The following LNX1 variants were observed in gnomAD, a reference collection of about 807,000 sequenced individuals.
LNX1 encodes the protein E3 ubiquitin-protein ligase LNX.
In LNX1, 54 loss-of-function variants were observed where a neutral mutation model predicts 68.4. The ratio of observed to expected loss-of-function variants is 0.79; its 90% CI spans 0.63 to 0.99. LNX1 has a LOEUF of 0.99. LNX1 is among the 50% of genes least tolerant of loss of function. LNX1 has a pLI of 0.00. For missense variants in LNX1, 906 were observed against 926.4 expected (o/e 0.98, Z 0.29); for synonymous variants, 336 against 350.0 (o/e 0.96, Z 0.45).
intron 4 of LNX1, among the ~76,000 whole-genome samples, chr4:53,506,924 G>A (rs1166486977): frequency 6.7e-6 from 1 of 148,784 alleles, no homozygotes; most frequent in Admixed American, 6.8e-5. Flanking sequence ...GCTTAAATGA[G>A]GAAATGCATG....
intron 2 of LNX1, among the ~76,000 whole-genome samples, chr4:53,597,987 A>T (rs1171413499): frequency 9.2e-5 from 14 of 152,186 alleles, no homozygotes; most frequent in Admixed American, 8.5e-4. Context: ...TGGCAAAAAA[A>T]TCCCATGAAC....
intron 1 of LNX1, among the ~76,000 whole-genome samples, chr4:53,589,287 G>C (rs1265936502): frequency 2.0e-5 from 3 of 152,228 alleles, no homozygotes; most frequent in Non-Finnish European, 4.4e-5. Flanking sequence ...TGTGAGGCTA[G>C]CGGAGACAAA....
At chr4:53,587,966 C>A (rs1577764506) in intron 1 of LNX1, among the ~76,000 whole-genome samples, 1 of 152,172 alleles carries the variant, frequency 6.6e-6, no homozygotes, top group South Asian at 2.1e-4. Context: ...TTTGGGAAAT[C>A]TTTTTTTGCT....
chr4:53,527,626 C>T (rs1727715643), intron 2 of LNX1, among the ~76,000 whole-genome samples: 1 of 152,204 alleles, frequency 6.6e-6, no homozygotes, highest in South Asian at 2.1e-4. Context: ...CAGTGTCTCT[C>T]TTTACATTCT....
intron 1 of LNX1, among the ~76,000 whole-genome samples, chr4:53,631,598 C>G (rs899000119): frequency 1.3e-4 from 20 of 152,206 alleles, no homozygotes; most frequent in Non-Finnish European, 2.6e-4. Context: ...ATGTTGGCTA[C>G]ACATTACAAG....
At chr4:53,534,520 T>C (rs570279455) in intron 2 of LNX1, among the ~76,000 whole-genome samples, 24 of 152,122 alleles carry the variant, frequency 1.6e-4, no homozygotes, top group Non-Finnish European at 3.2e-4. Context: ...GACATGCTTG[T>C]AGGCCCAGCT....
At chr4:53,565,855 A>C (rs1226669837) in intron 2 of LNX1, among the ~76,000 whole-genome samples, 1 of 152,192 alleles carries the variant, frequency 6.6e-6, no homozygotes. Context: ...AAGAATGCAG[A>C]AGCCTCAGGA....
At chr4:53,547,872 A>G (rs980015111) in intron 2 of LNX1, among the ~76,000 whole-genome samples, 1 of 152,124 alleles carries the variant, frequency 6.6e-6, no homozygotes, top group Admixed American at 6.5e-5. Context: ...GCTGATGAAT[A>G]TGGTTCGGGG....
intron 1 of LNX1, among the ~76,000 whole-genome samples, chr4:53,585,258 C>T (rs796220106): frequency 4.6e-5 from 7 of 152,118 alleles, no homozygotes; most frequent in South Asian, 4.1e-4. Context: ...CTTTAGAGTA[C>T]AAAACACTTA....
chr4:53,627,002 C>T (rs1734100679), intron 1 of LNX1, among the ~76,000 whole-genome samples: 1 of 152,270 alleles, frequency 6.6e-6, no homozygotes, highest in Admixed American at 6.5e-5. Context: ...CCGGGGATCC[C>T]AGTTTGGTTT....
chr4:53,535,255 G>C (rs1002745463), intron 2 of LNX1, among the ~76,000 whole-genome samples: 4 of 152,190 alleles, frequency 2.6e-5, no homozygotes, highest in Non-Finnish European at 4.4e-5. Flanking sequence ...AAACCATGGA[G>C]ACCAGGCTTT....
At chr4:53,501,645 G>A (rs7666978) in intron 4 of LNX1, among the ~76,000 whole-genome samples, 2,553 of 152,234 alleles carry the variant, frequency 0.017, 73 homozygotes, top group African/African-American at 0.059. Context: ...CCCAGCCAGG[G>A]TCACACAGTT....
At chr4:53,633,836 TG>T (rs1553945529) in intron 1 of LNX1, among the ~76,000 whole-genome samples, 1 of 152,114 alleles carries the variant, frequency 6.6e-6, no homozygotes, top group Non-Finnish European at 1.5e-5. Flanking sequence ...TGTGGGACTT[TG>T]GGGAGATTGC....
chr4:53,612,046 A>G (rs371976288), intron 2 of LNX1, among the ~76,000 whole-genome samples: 1 of 152,194 alleles, frequency 6.6e-6, no homozygotes, highest in South Asian at 2.1e-4. Flanking sequence ...GAAAAACAAG[A>G]ACAAACCAAT....
intron 1 of LNX1, among the ~76,000 whole-genome samples, chr4:53,640,920 C>T (rs56314005): frequency 0.048 from 7,292 of 152,290 alleles, 215 homozygotes; most frequent in Middle Eastern, 0.082. Context: ...TTCTCAGTCT[C>T]GTCGGCAGTC....
At chr4:53,478,455 C>T (rs1723705168) in intron 8 of LNX1, 110 bp downstream of exon 8, 1 of 948,046 alleles carries the variant, frequency 1.1e-6, no homozygotes. Flanking sequence ...AAGTCCTGGC[C>T]GATCACTCCC....
chr4:53,575,633 T>G lies in LNX1; in HGVS notation c.-86-1545A>C, dbSNP rs934455305. 3.8e-6 allele frequency: 5 copies of G among 1,324,634 alleles called. No homozygotes were observed. The African/African-American group carries it at 7.4e-5, about 20-fold the overall frequency. The allele number at this position is 1,324,634 out of a possible 1,614,324, so 82.1% of individuals were successfully genotyped here. On this transcript the variant is annotated intron_variant, in intron 1 of 10. Coordinates refer to ENST00000263925, the MANE Select transcript of LNX1 (RefSeq NM_001126328.3). ...GGGACCAGGCCCGCTTTTGGCTGCA[T>G]TGGCTGGGGATCACTGGCACCAGGT... is the stretch of plus-strand genomic sequence containing the variant.
intron 9 of LNX1, among the ~76,000 whole-genome samples, chr4:53,472,698 AAC>A (rs1168159180): frequency 0.02 from 2,679 of 131,348 alleles, 26 homozygotes; most frequent in East Asian, 0.025. Flanking sequence ...AAAAAAAAAA[AAC>A]AAAAAACAAT....
rs1177216605 is a variant in LNX1, at chr4:53,481,649, A to G, written c.1485+71T>C. 5 of 1,523,838 alleles carry G rather than the reference A, an allele frequency of 3.3e-6. No homozygotes were observed. In the South Asian group the frequency reaches 4.9e-5, roughly 15 times the overall value. 94.4% of individuals were successfully genotyped at this position (1,523,838 alleles called of 1,614,324 possible). A position where few individuals can be genotyped will look rare whatever the true frequency, so the allele number is the denominator to read the frequency against. On this transcript the variant is annotated intron_variant, in intron 7 of 10. Transcript: ENST00000263925. ...AAAAGTCCAGAGATGACACTTAGAC[A>G]TGTTAAAACAAGCAGCCTTCCCAAG...
Sources: gnomAD v4.1 joint callset for allele counts (sites outside exome capture counted in the v4.1 genomes callset) on GRCh38, gnomAD v4.1.1 for gene constraint, MANE v1.5 for transcripts, NCBI Gene and HGNC (gene_info 2026-07-23, HGNC 2026-07-21) for gene names.